The following PDE10A variants were observed in gnomAD, a reference collection of about 807,000 sequenced individuals.
PDE10A encodes cAMP and cAMP-inhibited cGMP 3',5'-cyclic phosphodiesterase 10A.
In PDE10A, 39 loss-of-function variants were observed where a neutral mutation model predicts 97.7. That is an observed-to-expected ratio of 0.40 (90% CI 0.31 to 0.52). PDE10A has a LOEUF of 0.52. Ranked by LOEUF, PDE10A falls within the 20% of genes least tolerant of loss-of-function variation. The pLI, the probability that PDE10A is intolerant of heterozygous loss-of-function variation, is 0.56. For synonymous variants in PDE10A, 371 were observed against 376.8 expected (o/e 0.98, Z 0.18); for missense variants, 731 against 1,047.8 (o/e 0.70, Z 4.17).
chr6:165,395,937 A>G (rs1786126073), intron 14 of PDE10A, among the ~76,000 whole-genome samples: 1 of 152,178 alleles, frequency 6.6e-6, no homozygotes, highest in South Asian at 2.1e-4. Context: ...AACTATGACA[A>G]AATTCTTGAA....
intron 1 of PDE10A, among the ~76,000 whole-genome samples, chr6:165,554,264 T>G (rs1406635839): frequency 1.3e-5 from 2 of 152,060 alleles, no homozygotes; most frequent in Non-Finnish European, 2.9e-5. Context: ...ACTATCACTC[T>G]GACAAGGGAT....
At position 165,782,591 on chromosome 6, in the gene PDE10A, C is replaced by T. The variant is rs75774221; in HGVS notation, c.-615+204938G>A. 3.7e-3 allele frequency among the ~76,000 whole-genome samples: 570 copies of T among 152,304 alleles called. 4 individuals are homozygous for T. Among genetic ancestry groups the T allele is most frequent in the African/African-American group, 0.013 (528 of 41,562 alleles). On this transcript the variant is annotated intron_variant, in intron 1 of 19. Transcript: ENST00000366882. ...ACATTGGACTCAATTATCCAACCCT[C>T]CCCTGACATTTCCTCTGGAACTTGG...
chr6:165,429,523 G>A (rs147006312), intron 9 of PDE10A, among the ~76,000 whole-genome samples: 2 of 152,144 alleles, frequency 1.3e-5, no homozygotes, highest in African/African-American at 4.8e-5. Flanking sequence ...AATAATTACT[G>A]ATGGGTAAAC....
chr6:165,738,130 A>T (rs1441387535), intron 1 of PDE10A, among the ~76,000 whole-genome samples: 5 of 150,356 alleles, frequency 3.3e-5, no homozygotes, highest in East Asian at 4.0e-4. Flanking sequence ...TCATCTAGCA[A>T]TAGGTATATC....
intron 2 of PDE10A, among the ~76,000 whole-genome samples, chr6:165,503,966 A>G (rs145093602): frequency 6.6e-6 from 1 of 152,366 alleles, no homozygotes; most frequent in Non-Finnish European, 1.5e-5. Flanking sequence ...TCCACAAAGA[A>G]AGCCAAAATT....
chr6:165,365,100 A>G (rs1435861006), intron 18 of PDE10A, among the ~76,000 whole-genome samples: 2 of 152,080 alleles, frequency 1.3e-5, no homozygotes, highest in Non-Finnish European at 2.9e-5. Context: ...GAAAAATTTT[A>G]TAAAAGTTAG....
chr6:165,751,522 G>C (rs551250332), intron 1 of PDE10A, among the ~76,000 whole-genome samples: 2 of 152,292 alleles, frequency 1.3e-5, no homozygotes, highest in South Asian at 4.1e-4. Flanking sequence ...ACCTGATTGG[G>C]AGCTGCCCTG....
At chr6:165,678,199 A>ATGTGTG (rs1790869383) in intron 1 of PDE10A, among the ~76,000 whole-genome samples, 2 of 112,314 alleles carry the variant, frequency 1.8e-5, no homozygotes, top group Non-Finnish European at 3.8e-5. Flanking sequence ...CTGTGTATGT[A>ATGTGTG]TATGTGTGTC....
chr6:165,483,271 C>T (rs1020948075), intron 2 of PDE10A, among the ~76,000 whole-genome samples: 1 of 152,184 alleles, frequency 6.6e-6, no homozygotes, highest in African/African-American at 2.4e-5. Context: ...ATGAACTTAA[C>T]ATACCAAAAA....
intron 13 of PDE10A, among the ~76,000 whole-genome samples, chr6:165,398,482 T>A (rs1461653613): frequency 1.0e-5 from 1 of 99,652 alleles, no homozygotes; most frequent in Non-Finnish European, 2.2e-5. Flanking sequence ...AGCAAGACTC[T>A]CTCTCTCTCT....
chr6:165,602,870 C>A (rs1329570916), intron 1 of PDE10A, among the ~76,000 whole-genome samples: 8 of 152,188 alleles, frequency 5.3e-5, no homozygotes, highest in Non-Finnish European at 1.2e-4. Flanking sequence ...TCATCTACCA[C>A]CACAACATTT....
intron 1 of PDE10A, among the ~76,000 whole-genome samples, chr6:165,928,455 C>T (rs1783016011): frequency 6.6e-6 from 1 of 152,216 alleles, no homozygotes; most frequent in Admixed American, 6.5e-5. Context: ...CGTGCTCAGA[C>T]ACCCACTGTT....
At chr6:165,561,547 T>C (rs1214889222) in intron 1 of PDE10A, among the ~76,000 whole-genome samples, 1 of 152,192 alleles carries the variant, frequency 6.6e-6, no homozygotes, top group African/African-American at 2.4e-5. Context: ...AAACGTAACA[T>C]TTATTGCTGT....
At chr6:165,403,729 A>T (rs550953998) in intron 13 of PDE10A, among the ~76,000 whole-genome samples, 1 of 152,178 alleles carries the variant, frequency 6.6e-6, no homozygotes, top group African/African-American at 2.4e-5. Context: ...CCACATACAT[A>T]CGGGGAACAC....
chr6:165,644,189 G>A (rs1789279369), intron 1 of PDE10A, among the ~76,000 whole-genome samples: 1 of 151,986 alleles, frequency 6.6e-6, no homozygotes, highest in Admixed American at 6.6e-5. Flanking sequence ...CTGGGCAGCT[G>A]GGACTACAGG....
chr6:165,566,224 C>T (rs1349048979), intron 1 of PDE10A, among the ~76,000 whole-genome samples: 12 of 152,098 alleles, frequency 7.9e-5, no homozygotes, highest in Admixed American at 6.5e-4. Context: ...AACTCTAAAG[C>T]TCATTAATAA....
chr6:165,657,172 G>A (rs1341000448), intron 1 of PDE10A, among the ~76,000 whole-genome samples: 5 of 152,214 alleles, frequency 3.3e-5, no homozygotes, highest in African/African-American at 1.2e-4. Flanking sequence ...TTCCAGAGAG[G>A]GAAAGCAGGC....
intron 1 of PDE10A, among the ~76,000 whole-genome samples, chr6:165,874,148 A>G (rs2128479155): frequency 6.6e-6 from 1 of 152,342 alleles, no homozygotes; most frequent in Admixed American, 6.5e-5. Flanking sequence ...AGGAGAAGCC[A>G]TAAAAATTGT....
intron 1 of PDE10A, among the ~76,000 whole-genome samples, chr6:165,580,696 T>C (rs183587167): frequency 3.9e-4 from 60 of 152,272 alleles, no homozygotes; most frequent in African/African-American, 1.3e-3. Context: ...CACATATATA[T>C]GGTGTAATGA....
Sources: gnomAD v4.1 joint callset for allele counts (sites outside exome capture counted in the v4.1 genomes callset) on GRCh38, gnomAD v4.1.1 for gene constraint, MANE v1.5 for transcripts, NCBI Gene and HGNC (gene_info 2026-07-23, HGNC 2026-07-21) for gene names.